Variants in CPXM2 observed in about 807,000 individuals in gnomAD.
The protein encoded by CPXM2 is inactive carboxypeptidase-like protein X2.
In CPXM2, 66 loss-of-function variants were observed where a neutral mutation model predicts 86.1. That is an observed-to-expected ratio of 0.77 (90% CI 0.63 to 0.94). The LOEUF (loss-of-function observed/expected upper bound fraction) is 0.94, where lower values mean the gene tolerates loss of function less well. Ranked by LOEUF, CPXM2 falls within the 40% of genes least tolerant of loss-of-function variation. The probability of loss-of-function intolerance (pLI) is 0.00; values close to 1 mark genes in which losing one functional copy is unlikely to be tolerated. For synonymous variants in CPXM2, 388 were observed against 400.2 expected, an observed-to-expected ratio of 0.97 and a Z score of 0.36; for missense variants, 948 against 1,026.3, an observed-to-expected ratio of 0.92 and a Z score of 1.04.
intron 3 of CPXM2, among the ~76,000 whole-genome samples, chr10:123,860,159 G>C (rs1246317256): frequency 6.6e-6 from 1 of 152,200 alleles, no homozygotes; most frequent in Non-Finnish European, 1.5e-5. Flanking sequence ...AGTCACCCAA[G>C]ACCAACCTGG....
At chr10:123,806,142 C>T (rs1010238870) in intron 4 of CPXM2, among the ~76,000 whole-genome samples, 1 of 152,068 alleles carries the variant, frequency 6.6e-6, no homozygotes, top group Non-Finnish European at 1.5e-5. Context: ...AGCGCCTTTG[C>T]TATTTCTTTT....
At chr10:123,801,295 A>T (rs1646757166) in intron 4 of CPXM2, among the ~76,000 whole-genome samples, 1 of 152,210 alleles carries the variant, frequency 6.6e-6, no homozygotes, top group Non-Finnish European at 1.5e-5. Flanking sequence ...GCCTGCCGCC[A>T]GGTGAGACAT....
intron 4 of CPXM2, among the ~76,000 whole-genome samples, chr10:123,813,774 G>C (rs1472660470): frequency 6.6e-6 from 1 of 152,188 alleles, no homozygotes; most frequent in Non-Finnish European, 1.5e-5. Context: ...GCCATACATG[G>C]TGGTGCCCAA....
chr10:123,864,730 T>C (rs1055137105), intron 2 of CPXM2, among the ~76,000 whole-genome samples: 1 of 152,158 alleles, frequency 6.6e-6, no homozygotes, highest in South Asian at 2.1e-4. Context: ...ATGTACCAGC[T>C]CAATAAAGCA....
At position 123,754,637 on chromosome 10, in the gene CPXM2, G is replaced by C. The variant is rs1564750279; in HGVS notation, c.2017+26C>G. On this transcript the variant is annotated intron_variant, in intron 13 of 13. Transcript: ENST00000241305. This position sits in a 1 kb window ranked among gnomAD's most constrained non-coding sequence, Gnocchi z 4.0. ...AAAAAATGGGTATTTCTTACCAAGA[G>C]ACAGTCTGCACACATTTGCAGTTAC... 5 of 1,214,442 alleles carry C rather than the reference G, an allele frequency of 4.1e-6. No homozygotes were observed. Among genetic ancestry groups the C allele is most frequent in the Non-Finnish European group, 6.1e-6 (5 of 816,688 alleles). The allele number at this position is 1,214,442 out of a possible 1,614,324, so 75.2% of individuals were successfully genotyped here.
chr10:123,864,170 C>T (rs1050588132), intron 2 of CPXM2, among the ~76,000 whole-genome samples: 1 of 152,166 alleles, frequency 6.6e-6, no homozygotes, highest in African/African-American at 2.4e-5. Flanking sequence ...TGGTCTCAGC[C>T]TATCCTGCCT....
intron 2 of CPXM2, among the ~76,000 whole-genome samples, chr10:123,938,828 G>A (rs575317969): frequency 1.3e-5 from 2 of 151,718 alleles, no homozygotes; most frequent in Non-Finnish European, 2.9e-5. Context: ...GCAGTGGGAG[G>A]CAACACTTAT....
intron 3 of CPXM2, among the ~76,000 whole-genome samples, chr10:123,859,224 G>A (rs1044685698): frequency 1.1e-4 from 16 of 152,342 alleles, no homozygotes; most frequent in Admixed American, 8.5e-4. Context: ...AGCTCAACAC[G>A]CCTACAAAAT....
chr10:123,899,110 T>C (rs1945361924), intron 2 of CPXM2, among the ~76,000 whole-genome samples: 1 of 152,256 alleles, frequency 6.6e-6, no homozygotes, highest in African/African-American at 2.4e-5. Context: ...AATTTTATTA[T>C]GCTAATGTAA....
intron 4 of CPXM2, among the ~76,000 whole-genome samples, chr10:123,812,250 C>A (rs1174857953): frequency 6.6e-6 from 1 of 152,160 alleles, no homozygotes; most frequent in Non-Finnish European, 1.5e-5. Flanking sequence ...GGTTAAATAG[C>A]ATTACAAATA....
At chr10:123,839,514 A>G (rs1848342513) in intron 4 of CPXM2, among the ~76,000 whole-genome samples, 1 of 152,196 alleles carries the variant, frequency 6.6e-6, no homozygotes, top group South Asian at 2.1e-4. Context: ...AGGTCCCGGG[A>G]ATAATGAGTG....
At chr10:123,767,333 G>A (rs913224715) in intron 9 of CPXM2, among the ~76,000 whole-genome samples, 181 bp from the exon 10 acceptor site, 25 of 152,170 alleles carry the variant, frequency 1.6e-4, no homozygotes, top group African/African-American at 5.8e-4. Context: ...ATATTTGGTG[G>A]GTGATAGATA....
intron 3 of CPXM2, chr10:123,843,343 T>C (rs1848426372): frequency 2.2e-6 from 1 of 445,890 alleles, no homozygotes. Flanking sequence ...GATAATTCCC[T>C]GACTCCTCGC....
intron 4 of CPXM2, among the ~76,000 whole-genome samples, chr10:123,836,507 CT>C (rs959867829): frequency 4.6e-5 from 7 of 152,202 alleles, no homozygotes; most frequent in African/African-American, 1.7e-4. Flanking sequence ...TCCACTGCCC[CT>C]GGTGAACATA....
intron 4 of CPXM2, among the ~76,000 whole-genome samples, chr10:123,837,150 C>T (rs193023909): frequency 8.7e-4 from 133 of 152,362 alleles, no homozygotes; most frequent in African/African-American, 1.8e-3. Flanking sequence ...AAAAGCTGAA[C>T]GTGGAACTCC....
At chr10:123,895,780 G>A (rs906666384), upstream of CPXM2, among the ~76,000 whole-genome samples, 1 of 152,142 alleles carries the variant, frequency 6.6e-6, no homozygotes, top group Non-Finnish European at 1.5e-5. Context: ...GGTAGTAATG[G>A]GGGCAAACTG....
intron 10 of CPXM2, among the ~76,000 whole-genome samples, chr10:123,763,138 C>A (rs574034989): frequency 6.6e-6 from 1 of 152,318 alleles, no homozygotes; most frequent in East Asian, 1.9e-4. Context: ...CTCCCGGGTT[C>A]AGGCGATTCC....
intron 2 of CPXM2, among the ~76,000 whole-genome samples, chr10:123,930,201 C>CAT (rs1307759600): frequency 1.1e-5 from 1 of 87,798 alleles, no homozygotes; most frequent in Non-Finnish European, 2.0e-5. Context: ...TGCCTGAGTA[C>CAT]ACGTGGGCCC....
chr10:123,883,636 G>A (rs1010392457), intron 1 of CPXM2, among the ~76,000 whole-genome samples: 16 of 152,180 alleles, frequency 1.1e-4, no homozygotes, highest in African/African-American at 3.1e-4. Context: ...AAATTGACAC[G>A]GCATTTTCAC....
Sources: allele counts gnomAD v4.1 joint callset (sites outside exome capture counted in the v4.1 genomes callset), GRCh38; gene constraint gnomAD v4.1.1; non-coding constraint Gnocchi (gnomAD v3.1); transcripts MANE v1.5; gene names NCBI Gene and HGNC (gene_info 2026-07-23, HGNC 2026-07-21).